Variants in SMYD1 observed in about 807,000 individuals in gnomAD.
SMYD1 encodes histone-lysine N-methyltransferase SMYD1.
Under a neutral mutation model 54.0 loss-of-function variants are expected in SMYD1, and 49 were observed. The observed-to-expected ratio is 0.91, with a 90% confidence interval of 0.72 to 1.15. The LOEUF is 1.15. Among genes scored for constraint, SMYD1 ranks in the 50% most tolerant of loss-of-function variants. The pLI is 0.00. For missense variants in SMYD1, 653 were observed against 639.6 expected, an observed-to-expected ratio of 1.02 and a Z score of -0.23; for synonymous variants, 269 against 234.2, an observed-to-expected ratio of 1.15 and a Z score of -1.36.
At chr2:88,094,506 C>T (rs1037661969) in intron 5 of SMYD1, among the ~76,000 whole-genome samples, 2 of 152,176 alleles carry the variant, frequency 1.3e-5, no homozygotes, top group African/African-American at 4.8e-5. Flanking sequence ...AGAGCCAGGG[C>T]TAAAACCCTC....
Position 88,077,518 on chromosome 2 carries a change from G to A in SMYD1, c.138-6798G>A, listed in dbSNP as rs1461685610. Among the ~76,000 whole-genome samples, 9 of 152,228 alleles carry A rather than the reference G, an allele frequency of 5.9e-5. 1 individual carries two copies. The highest frequency in any genetic ancestry group is 2.6e-4 in the Admixed American group (4 of 15,286). The stretch of plus-strand genomic sequence containing the variant: ...AAAAACATCTCTTTGAAATGGCAAA[G>A]TGCTGTGTAAGTGGGAGTTGATACC... On this transcript the variant is annotated intron_variant, in intron 1 of 9. Transcript: ENST00000419482.
chr2:88,096,086 C>T (rs1469124017), intron 5 of SMYD1, among the ~76,000 whole-genome samples: 1 of 152,184 alleles, frequency 6.6e-6, no homozygotes, highest in Non-Finnish European at 1.5e-5. Flanking sequence ...TGGCCTGAAC[C>T]ATTGGACTGA....
intron 1 of SMYD1, among the ~76,000 whole-genome samples, chr2:88,069,075 C>T (rs1025541918): frequency 6.6e-6 from 1 of 152,158 alleles, no homozygotes; most frequent in African/African-American, 2.4e-5. Flanking sequence ...CTTGGCCACA[C>T]TAGACTACCA....
At chr2:88,086,566 G>A (rs955966900) in intron 2 of SMYD1, among the ~76,000 whole-genome samples, 3 of 152,036 alleles carry the variant, frequency 2.0e-5, no homozygotes, top group Non-Finnish European at 4.4e-5. Context: ...GCCCCGCTCC[G>A]GCCAGGCCAG....
intron 1 of SMYD1, among the ~76,000 whole-genome samples, chr2:88,074,468 T>C (rs1674015704): frequency 3.9e-5 from 6 of 152,222 alleles, no homozygotes; most frequent in Admixed American, 3.9e-4. Flanking sequence ...TCTCAAGGTC[T>C]TTAACTTAAT....
In SMYD1 at chr2:88,107,598, G is replaced by A. The variant is rs184983230; in HGVS notation, c.1146-773G>A. 6.4e-4 allele frequency among the ~76,000 whole-genome samples: 97 copies of A among 152,256 alleles called. 2 individuals carry two copies. In the East Asian group the frequency reaches 0.014, roughly 22 times the overall value. ...AGCTGCAGTGGGCTCCTCCCAGTTCGAGCTTCCCAGCGGCTTTGTTTACCT... is the reference window on the plus strand; with the variant it reads ...AGCTGCAGTGGGCTCCTCCCAGTTCAAGCTTCCCAGCGGCTTTGTTTACCT... On this transcript the variant is annotated intron_variant, in intron 8 of 9. Coordinates refer to ENST00000419482, the MANE Select transcript of SMYD1 (RefSeq NM_198274.4).
Position 88,067,907 on chromosome 2 carries a change from G to A in SMYD1, c.43G>A (p.Glu15Lys). 1 of 1,614,094 alleles carries A rather than the reference G, an allele frequency of 6.2e-7. No homozygotes were observed. The highest frequency in any genetic ancestry group is 8.5e-7 in the Non-Finnish European group (1 of 1,180,038). Reference sequence around the variant, plus strand: ...GGAGAACGTGGAGGTCTTCACCGCTGAGGGCAAAGGAAGGGGTCTGAAGGC... The same window carrying A: ...GGAGAACGTGGAGGTCTTCACCGCTAAGGGCAAAGGAAGGGGTCTGAAGGC... ...RMENVEVFTA[E>K]GKGRGLKATK... The change falls in exon 1 of 10, where the codon GAG becomes AAG. Residue 15 changes from glutamate to lysine, a missense_variant. Physicochemically the swap from Glu to Lys is moderately conservative, Grantham distance 56. Coordinates refer to ENST00000419482, the MANE Select transcript of SMYD1 (RefSeq NM_198274.4).
intron 6 of SMYD1, among the ~76,000 whole-genome samples, chr2:88,099,990 T>C (rs1674684406): frequency 6.8e-6 from 1 of 147,126 alleles, no homozygotes; most frequent in Admixed American, 6.9e-5. Context: ...TCCTCCCTTC[T>C]CCTCTGGCTC....
intron 1 of SMYD1, among the ~76,000 whole-genome samples, chr2:88,072,240 A>T (rs1280932582): frequency 6.6e-6 from 1 of 151,892 alleles, no homozygotes; most frequent in East Asian, 1.9e-4. Flanking sequence ...AACCTCTGCC[A>T]CCTGGGCTCA....
intron 1 of SMYD1, among the ~76,000 whole-genome samples, chr2:88,073,701 C>T (rs1392955909): frequency 1.3e-5 from 2 of 152,206 alleles, no homozygotes; most frequent in Non-Finnish European, 2.9e-5. Context: ...CATTTTTCTA[C>T]TAGCAGCACA....
At position 88,084,352 on chromosome 2, in the gene SMYD1, G is replaced by T. The variant is rs140000650; in HGVS notation, c.174G>T (p.Arg58Ser). ...VNFVCHTCFKRQEKLHRCGQC... is the reference protein window; with the variant it reads ...VNFVCHTCFKSQEKLHRCGQC... The stretch of plus-strand genomic sequence containing the variant: ...TTGTGTGCCACACCTGCTTCAAGAG[G>T]CAGGAGAAGCTCCATCGCTGTGGGC... The change falls in exon 2 of 10, where the codon AGG (arginine) becomes AGT (serine). Residue 58 changes from arginine (R) to serine (S), a missense_variant. Physicochemically the swap from Arg to Ser is moderately radical, Grantham distance 110. Coordinates refer to ENST00000419482, the MANE Select transcript of SMYD1 (RefSeq NM_198274.4). 9.5e-6 allele frequency: 15 copies of T among 1,585,056 alleles called. No individual in the cohort carries two copies. In the African/African-American group the frequency reaches 1.7e-4, roughly 18 times the overall value.
rs1193305081 is a variant in SMYD1 at position 88,112,370 on chromosome 2, T to C, written c.*1858T>C. The C allele has an allele frequency of 1.8e-6, 1 of 554,434 alleles. No individual in the cohort carries two copies. Among genetic ancestry groups the C allele is most frequent in the Non-Finnish European group, 3.2e-6 (1 of 309,318 alleles). 34.3% of individuals were successfully genotyped at this position (554,434 alleles called of 1,614,324 possible). A position where few individuals can be genotyped will look rare whatever the true frequency, so the allele number is the denominator to read the frequency against. ...CTGTGTTCTGTGTCTGTGCTCCTCCTTCCCTCTCAGACCACTGGAATGCAA... is the reference window on the plus strand; with the variant it reads ...CTGTGTTCTGTGTCTGTGCTCCTCCCTCCCTCTCAGACCACTGGAATGCAA... On this transcript the variant is annotated 3_prime_UTR_variant, in exon 10 of 10. Transcript: ENST00000419482.
chr2:88,082,174 ATATCCTGCG>A (rs1334642575), intron 1 of SMYD1, among the ~76,000 whole-genome samples: 4 of 152,126 alleles, frequency 2.6e-5, no homozygotes, highest in African/African-American at 4.8e-5. Context: ...GATGGGCTGC[ATATCCTGCG>A]CAGTTCTAAG....
At chr2:88,099,076 T>A (rs1674664256) in intron 6 of SMYD1, among the ~76,000 whole-genome samples, 1 of 152,158 alleles carries the variant, frequency 6.6e-6, no homozygotes, top group Admixed American at 6.5e-5. Context: ...CATTCTTTTT[T>A]AAATTTTATT....
chr2:88,081,245 T>C (rs1262811105), intron 1 of SMYD1, among the ~76,000 whole-genome samples: 1 of 151,902 alleles, frequency 6.6e-6, no homozygotes, highest in Non-Finnish European at 1.5e-5. Context: ...GTTCTGTGGG[T>C]AGATGCATAT....
intron 3 of SMYD1, among the ~76,000 whole-genome samples, chr2:88,090,449 T>G (rs2919853): frequency 6.6e-6 from 1 of 152,182 alleles, no homozygotes; most frequent in Non-Finnish European, 1.5e-5. Context: ...AGTAACCAAC[T>G]TGATTTGCCT....
intron 1 of SMYD1, among the ~76,000 whole-genome samples, chr2:88,070,852 A>G (rs577846121): frequency 6.7e-6 from 1 of 149,896 alleles, no homozygotes; most frequent in South Asian, 2.2e-4. Flanking sequence ...CTGAGGTGAG[A>G]GAATCGCTTA....
chr2:88,085,982 G>A (rs1674314377), intron 2 of SMYD1, among the ~76,000 whole-genome samples: 1 of 152,178 alleles, frequency 6.6e-6, no homozygotes, highest in Admixed American at 6.5e-5. Flanking sequence ...AAAAGAGGTG[G>A]GGGGACAGAA....
At chr2:88,109,926 G>A (rs1674970434) in intron 9 of SMYD1, among the ~76,000 whole-genome samples, 1 of 152,158 alleles carries the variant, frequency 6.6e-6, no homozygotes, top group Non-Finnish European at 1.5e-5. Flanking sequence ...GGGCTCTTCT[G>A]TGTGTCACAC....
Sources: allele counts gnomAD v4.1 joint callset (sites outside exome capture counted in the v4.1 genomes callset), GRCh38; gene constraint gnomAD v4.1.1; transcripts MANE v1.5; gene names NCBI Gene and HGNC (gene_info 2026-07-23, HGNC 2026-07-21).